Variants in SF3A1 observed in about 807,000 individuals in gnomAD.
SF3A1 encodes the protein SAP 114.
A neutral mutation model predicts 89.9 loss-of-function variants in SF3A1; 13 were observed. The observed-to-expected ratio is 0.14, with a 90% confidence interval of 0.09 to 0.23. The LOEUF (loss-of-function observed/expected upper bound fraction) is 0.23. Ranked by LOEUF, SF3A1 falls within the 10% of genes least tolerant of loss-of-function variation. The pLI is 1.00. For synonymous variants in SF3A1, 405 were observed against 374.4 expected, an observed-to-expected ratio of 1.08 and a Z score of -0.94; for missense variants, 604 against 1,022.1, an observed-to-expected ratio of 0.59 and a Z score of 5.58.
intron 1 of SF3A1, 23 bp downstream of exon 1, chr22:30,356,707 G>C (rs5994293): frequency 1.4e-6 from 2 of 1,461,926 alleles, no homozygotes; most frequent in Non-Finnish European, 9.1e-7. Flanking sequence ...CCGGCTGCAG[G>C]CTGAGGGGCG....
Position 30,340,189 on chromosome 22 carries a change from A to C in SF3A1, c.1375+7T>G. ...TACCATGGGCTCTCCTGGAACCCCCACCTCACCTGGTGCGTACACCTCATC... is the reference window on the plus strand; with the variant it reads ...TACCATGGGCTCTCCTGGAACCCCCCCCTCACCTGGTGCGTACACCTCATC... On this transcript the variant is annotated splice_region_variant and intron_variant, in intron 9 of 15. Transcript: ENST00000215793. The C allele has an allele frequency of 6.6e-7, 1 of 1,505,796 alleles. No individual in the cohort carries two copies. The highest frequency in any genetic ancestry group is 8.9e-7 in the Non-Finnish European group (1 of 1,129,318). 93.3% of individuals were successfully genotyped at this position (1,505,796 alleles called of 1,614,324 possible). A position where few individuals can be genotyped will look rare whatever the true frequency, so the allele number is the denominator to read the frequency against.
chr22:30,347,029 A>G (rs1931441890), intron 2 of SF3A1, among the ~76,000 whole-genome samples: 1 of 152,218 alleles, frequency 6.6e-6, no homozygotes, highest in Admixed American at 6.5e-5. Context: ...GTACATGAGC[A>G]CCAAACCTAG....
rs1272853317 is a variant in SF3A1 at position 30,337,090 on chromosome 22, G to A, written c.2042C>T (p.Thr681Ile). 6 of 1,614,072 alleles carry A rather than the reference G, an allele frequency of 3.7e-6. No homozygotes were observed. The highest frequency in any genetic ancestry group is 1.7e-5 in the Admixed American group (1 of 60,004). ...HPPPPMEDEP[T>I]SKKLKTEDSL... ...GTCCTCTGTCTTCAGTTTTTTGGAG[G>A]TGGGCTCATCTTCCATGGGAGGTGG... The change falls in exon 13 of 16, where the codon ACC becomes ATC. Residue 681 changes from threonine to isoleucine, a missense_variant. Transcript: ENST00000215793.
chr22:30,353,349 CCAG>C (rs1474955642), intron 1 of SF3A1, among the ~76,000 whole-genome samples: 3 of 152,302 alleles, frequency 2.0e-5, no homozygotes, highest in Admixed American at 1.3e-4. Flanking sequence ...TGGTATGAGA[CCAG>C]CACTTCTCCT....
At chr22:30,348,139 A>C (rs941896859) in intron 2 of SF3A1, among the ~76,000 whole-genome samples, 6 of 152,242 alleles carry the variant, frequency 3.9e-5, no homozygotes, top group Non-Finnish European at 8.8e-5. Context: ...CCCAGCCCTC[A>C]AAGTCTTTTC....
chr22:30,337,294 A>C (rs1931099240), intron 12 of SF3A1, 114 bp from the exon 13 acceptor site: 2 of 1,050,568 alleles, frequency 1.9e-6, no homozygotes, highest in Non-Finnish European at 1.4e-6. Flanking sequence ...AGAGGTGTCA[A>C]GTGCTGTTCC....
At chr22:30,336,049 G>A (rs1931056170) in intron 13 of SF3A1, among the ~76,000 whole-genome samples, 1 of 152,194 alleles carries the variant, frequency 6.6e-6, no homozygotes, top group Admixed American at 6.5e-5. Context: ...ATGACCTGCA[G>A]GGTCGGAAGA....
intron 2 of SF3A1, among the ~76,000 whole-genome samples, chr22:30,348,490 T>C (rs1931486752): frequency 6.6e-6 from 1 of 152,110 alleles, no homozygotes; most frequent in African/African-American, 2.4e-5. Context: ...AAAACAAAAA[T>C]TTTTTAAATT....
intron 2 of SF3A1, among the ~76,000 whole-genome samples, chr22:30,351,925 G>A (rs1931606934): frequency 6.6e-6 from 1 of 152,258 alleles, no homozygotes; most frequent in Admixed American, 6.5e-5. Context: ...CCTAGAGAAT[G>A]TACTGACCTT....
chr22:30,342,773 T>A, intron 5 of SF3A1, 32 bp downstream of exon 5: 1 of 1,383,534 alleles, frequency 7.2e-7, no homozygotes, highest in Non-Finnish European at 1.0e-6. Context: ...CAACCACCAG[T>A]AACTGGTTGC....
chr22:30,339,302 G>C lies in SF3A1; in HGVS notation c.1376-51C>G, dbSNP rs117107820. ...AGGATAGAAAGAGAAAATAAACCAG[G>C]TGTCCTGACAAGAGAGCAGCTTTTC... On this transcript the variant is annotated intron_variant, in intron 9 of 15. Coordinates refer to ENST00000215793, the MANE Select transcript of SF3A1 (RefSeq NM_005877.6). 9.5e-3 allele frequency: 15,306 copies of C among 1,606,694 alleles called. 99 individuals are homozygous for C. Among genetic ancestry groups the C allele is most frequent in the Middle Eastern group, 0.014 (83 of 5,908 alleles).
chr22:30,351,236 T>C (rs1389621602), intron 2 of SF3A1, among the ~76,000 whole-genome samples: 3 of 151,804 alleles, frequency 2.0e-5, no homozygotes, highest in Admixed American at 2.0e-4. Flanking sequence ...GAGGCAGAGG[T>C]TGCAGTGAGT....
At position 30,334,447 on chromosome 22, in the gene SF3A1, T is replaced by C. The variant is rs887007230; in HGVS notation, c.*147A>G. 1.2e-4 allele frequency: 67 copies of C among 581,690 alleles called. 1 individual carries two copies. The Admixed American group carries it at 2.3e-3, about 20-fold the overall frequency. 36.0% of individuals were successfully genotyped at this position (581,690 alleles called of 1,614,324 possible). On this transcript the variant is annotated 3_prime_UTR_variant, in exon 16 of 16. Coordinates refer to ENST00000215793, the MANE Select transcript of SF3A1 (RefSeq NM_005877.6). The stretch of plus-strand genomic sequence containing the variant: ...GGAAAGGGTCAGGGGAATGAACCTC[T>C]GCAGGACAATTTGAATTCCCAAACT...
chr22:30,336,971 G>C (rs111726482), intron 13 of SF3A1, 55 bp downstream of exon 13: 6 of 1,605,480 alleles, frequency 3.7e-6, no homozygotes, highest in African/African-American at 2.7e-5. Flanking sequence ...TGTACGACAG[G>C]GGCGGGACTG....
Position 30,346,468 on chromosome 22 carries a change from G to A in SF3A1, c.237C>T (p.Pro79=). The A allele has an allele frequency of 6.2e-7, 1 of 1,614,098 alleles. No homozygotes were observed. The highest frequency in any genetic ancestry group is 1.1e-5 in the South Asian group (1 of 91,074). ...CATTGGGGTTCAGAAAGTTGAACTT[G>A]GGGTTGTTGATCTCGTTCTGTCGGA... ...ARIRQNEINN[P]KFNFLNPNDP... is the part of the protein sequence containing the mutation. The change falls in exon 3 of 16, where the codon CCC becomes CCT. Residue 79 remains proline (P), a synonymous_variant. Coordinates refer to ENST00000215793, the MANE Select transcript of SF3A1 (RefSeq NM_005877.6).
chr22:30,347,526 C>G (rs1006066788), intron 2 of SF3A1, among the ~76,000 whole-genome samples: 1 of 152,142 alleles, frequency 6.6e-6, no homozygotes, highest in Non-Finnish European at 1.5e-5. Context: ...AGATATGCCC[C>G]ATGTCCCCAG....
chr22:30,334,820 G>A, intron 15 of SF3A1, 125 bp from the exon 16 acceptor site: 1 of 646,598 alleles, frequency 1.5e-6, no homozygotes. Flanking sequence ...CTTGTGAGAA[G>A]GTAGGGTGTT....
intron 3 of SF3A1, 37 bp downstream of exon 3, chr22:30,346,275 A>T: frequency 7.2e-7 from 1 of 1,381,604 alleles, no homozygotes; most frequent in Non-Finnish European, 1.0e-6. Context: ...TTCCCTCTCA[A>T]GCCCTGCGTA....
chr22:30,336,511 G>T (rs1487672629), intron 13 of SF3A1, among the ~76,000 whole-genome samples: 1 of 152,184 alleles, frequency 6.6e-6, no homozygotes, highest in Admixed American at 6.5e-5. Context: ...GGGGAGCAGA[G>T]GCCGGGGCTG....
Sources: gnomAD v4.1 joint callset for allele counts (sites outside exome capture counted in the v4.1 genomes callset) on GRCh38, gnomAD v4.1.1 for gene constraint, MANE v1.5 for transcripts, NCBI Gene and HGNC (gene_info 2026-07-23, HGNC 2026-07-21) for gene names.